The following MARCHF11 variants were observed in gnomAD, a reference collection of about 807,000 sequenced individuals.
MARCHF11 encodes the protein membrane associated ring-CH-type finger 11.
Under a neutral mutation model 37.3 loss-of-function variants are expected in MARCHF11, and 29 were observed. The ratio of observed to expected loss-of-function variants is 0.78; its 90% CI spans 0.58 to 1.06. The LOEUF is 1.06. Among genes scored for constraint, MARCHF11 ranks in the 50% least tolerant of loss-of-function variants. The probability of loss-of-function intolerance (pLI) is 0.00; values close to 1 mark genes in which losing one functional copy is unlikely to be tolerated. For synonymous variants in MARCHF11, 233 were observed against 228.0 expected (o/e 1.02, Z -0.20); for missense variants, 482 against 533.4 (o/e 0.90, Z 0.95).
At chr5:16,122,450 T>C (rs1737326468) in intron 2 of MARCHF11, among the ~76,000 whole-genome samples, 1 of 152,172 alleles carries the variant, frequency 6.6e-6, no homozygotes, top group African/African-American at 2.4e-5. Context: ...TTTACTAGCT[T>C]AAAGCCAAGC....
intron 2 of MARCHF11, among the ~76,000 whole-genome samples, chr5:16,162,975 T>C (rs1440297747): frequency 2.0e-5 from 3 of 152,056 alleles, no homozygotes; most frequent in Non-Finnish European, 4.4e-5. Context: ...AGTAAGTGGC[T>C]GAGCTGAAAT....
At chr5:16,165,277 T>A (rs1382195657) in intron 2 of MARCHF11, among the ~76,000 whole-genome samples, 1 of 152,082 alleles carries the variant, frequency 6.6e-6, no homozygotes, top group Non-Finnish European at 1.5e-5. Flanking sequence ...TTAGAGTAGT[T>A]TTTTATTTAC....
chr5:16,100,917 T>A (rs1191025156), intron 2 of MARCHF11, among the ~76,000 whole-genome samples: 1 of 152,150 alleles, frequency 6.6e-6, no homozygotes, highest in Non-Finnish European at 1.5e-5. Context: ...AGGGTAAGCA[T>A]CTTACAAAGA....
intron 2 of MARCHF11, among the ~76,000 whole-genome samples, chr5:16,148,457 C>T (rs1737841346): frequency 6.6e-6 from 1 of 152,222 alleles, no homozygotes. Context: ...ATTTCCAAAC[C>T]TAATCAGTAT....
chr5:16,146,424 T>A (rs1015671191), intron 2 of MARCHF11, among the ~76,000 whole-genome samples: 1 of 152,178 alleles, frequency 6.6e-6, no homozygotes, highest in African/African-American at 2.4e-5. Context: ...CCACGGATGG[T>A]TTTGAAAAGA....
chr5:16,096,513 TGTGTGGGAGGTTCC>T (rs1349562747), intron 2 of MARCHF11, among the ~76,000 whole-genome samples: 1 of 152,206 alleles, frequency 6.6e-6, no homozygotes, highest in East Asian at 1.9e-4. Context: ...TGGGTATCTT[TGTGTGGGAGGTTCC>T]GTGTTAGTGG....
At position 16,179,596 on chromosome 5, in the gene MARCHF11, C is replaced by T; in HGVS notation, c.-21G>A. 1 of 1,173,622 alleles carries T rather than the reference C, an allele frequency of 8.5e-7. No individual in the cohort carries two copies. The highest frequency in any genetic ancestry group is 1.1e-6 in the Non-Finnish European group (1 of 950,602). The allele number at this position is 1,173,622 out of a possible 1,614,324, so 72.7% of individuals were successfully genotyped here. On this transcript the variant is annotated 5_prime_UTR_variant, in exon 1 of 4. Coordinates refer to ENST00000332432, the MANE Select transcript of MARCHF11 (RefSeq NM_001102562.3). The stretch of plus-strand genomic sequence containing the variant: ...CTCATGGTTGTGCCGCCGCCGCCCT[C>T]CTGCCGGCCCGGCTGGCGGGCCGGG...
chr5:16,179,316 A>AG lies in MARCHF11; in HGVS notation c.259dup (p.Leu87ProfsTer37). The stretch of plus-strand genomic sequence containing the variant: ...TTCCTGGCCGGCGGGCTGCAGGGGC[A>AG]GGGGCGGAGGCGGCAGCTCGTCCGC... On this transcript the variant is annotated frameshift_variant, in exon 1 of 4. Transcript: ENST00000332432. LOFTEE classifies it high-confidence loss of function. The AG allele has an allele frequency of 8.1e-7, 1 of 1,240,130 alleles. No individual in the cohort carries two copies. The highest frequency in any genetic ancestry group is 2.7e-5 in the South Asian group (1 of 36,442). 76.8% of individuals were successfully genotyped at this position (1,240,130 alleles called of 1,614,324 possible).
At chr5:16,128,462 T>C (rs1349552606) in intron 2 of MARCHF11, among the ~76,000 whole-genome samples, 2 of 152,126 alleles carry the variant, frequency 1.3e-5, no homozygotes, top group African/African-American at 4.8e-5. Flanking sequence ...TGCCAAGGTA[T>C]GCCCAAAGCC....
intron 2 of MARCHF11, among the ~76,000 whole-genome samples, chr5:16,138,482 T>C (rs1045570892): frequency 6.6e-6 from 1 of 152,112 alleles, no homozygotes; most frequent in Non-Finnish European, 1.5e-5. Flanking sequence ...GGAGCCCTCA[T>C]GGAGAACCTC....
In MARCHF11 at chr5:16,085,493, G is replaced by T. The variant is rs530754778; in HGVS notation, c.886+5396C>A. The stretch of plus-strand genomic sequence containing the variant: ...AAGAAAACTACTCGAATGGTTAAGT[G>T]TAGTTAAATCCACTGATTAAAATGT... On this transcript the variant is annotated intron_variant, in intron 3 of 3. Coordinates refer to ENST00000332432, the MANE Select transcript of MARCHF11 (RefSeq NM_001102562.3). Among the ~76,000 whole-genome samples, 26 of 143,854 alleles carry T rather than the reference G, an allele frequency of 1.8e-4. No homozygotes were observed. The South Asian group carries it at 6.0e-3, about 33-fold the overall frequency. The allele number at this position is 143,854 out of a possible 152,430, so 94.4% of individuals were successfully genotyped here. A position where few individuals can be genotyped will look rare whatever the true frequency, so the allele number is the denominator to read the frequency against.
intron 2 of MARCHF11, among the ~76,000 whole-genome samples, chr5:16,099,015 TCTTC>T (rs1309183275): frequency 4.6e-5 from 7 of 152,198 alleles, no homozygotes; most frequent in Non-Finnish European, 7.3e-5. Flanking sequence ...CCAAACCTCT[TCTTC>T]CTTGTTTCTA....
intron 2 of MARCHF11, among the ~76,000 whole-genome samples, chr5:16,118,646 T>C (rs1216305984): frequency 6.6e-6 from 1 of 152,014 alleles, no homozygotes; most frequent in African/African-American, 2.4e-5. Flanking sequence ...AATCAGGATT[T>C]AAGAAATCTA....
chr5:16,090,833 T>C, intron 3 of MARCHF11, 56 bp downstream of exon 3: 1 of 1,323,096 alleles, frequency 7.6e-7, no homozygotes, highest in Non-Finnish European at 1.0e-6. Context: ...GAAAACGTAA[T>C]CGCTGAAAGA....
intron 3 of MARCHF11, among the ~76,000 whole-genome samples, chr5:16,090,464 T>C (rs761458839): frequency 5.3e-5 from 8 of 152,176 alleles, no homozygotes; most frequent in Non-Finnish European, 1.0e-4. Context: ...GTCATCATGA[T>C]GTAAGACATC....
At position 16,160,419 on chromosome 5, in the gene MARCHF11, T is replaced by C. The variant is rs1310490182; in HGVS notation, c.693+17307A>G. Among the ~76,000 whole-genome samples, 3 of 146,568 alleles carry C rather than the reference T, an allele frequency of 2.0e-5. No individual in the cohort carries two copies. The East Asian group carries it at 5.9e-4, about 29-fold the overall frequency. On this transcript the variant is annotated intron_variant, in intron 2 of 3. Coordinates refer to ENST00000332432, the MANE Select transcript of MARCHF11 (RefSeq NM_001102562.3). ...ATATTTATATAATTTTATAATTTTA[T>C]ATTTATAATAAAAATATAAAATATC...
intron 2 of MARCHF11, among the ~76,000 whole-genome samples, chr5:16,121,417 G>A (rs1413060237): frequency 4.6e-5 from 7 of 152,134 alleles, no homozygotes; most frequent in South Asian, 2.1e-4. Context: ...ACAGTGGTTG[G>A]CATATGGTAG....
chr5:16,104,926 C>T (rs1466472049), intron 2 of MARCHF11, among the ~76,000 whole-genome samples: 4 of 152,082 alleles, frequency 2.6e-5, no homozygotes, highest in Non-Finnish European at 2.9e-5. Flanking sequence ...CACACACACA[C>T]ACACACACAC....
intron 2 of MARCHF11, among the ~76,000 whole-genome samples, chr5:16,159,174 T>C (rs2126603134): frequency 6.6e-6 from 1 of 151,992 alleles, no homozygotes; most frequent in Non-Finnish European, 1.5e-5. Context: ...AATTTGATGA[T>C]CTATCTTGAA....
Sources: gnomAD v4.1 joint callset for allele counts (sites outside exome capture counted in the v4.1 genomes callset) on GRCh38, gnomAD v4.1.1 for gene constraint, MANE v1.5 for transcripts, NCBI Gene and HGNC (gene_info 2026-07-23, HGNC 2026-07-21) for gene names.